Variants in AGTPBP1 observed in about 807,000 individuals in gnomAD.
AGTPBP1 encodes the protein cytosolic carboxypeptidase 1.
AGTPBP1 carries 70 observed loss-of-function variants against 143.9 expected under a neutral mutation model. That is an observed-to-expected ratio of 0.49 (90% confidence interval 0.40 to 0.59). The LOEUF is 0.59. Ranked by LOEUF, AGTPBP1 falls within the 20% of genes least tolerant of loss-of-function variation. The pLI is 0.00. For synonymous variants in AGTPBP1, 463 were observed against 500.2 expected, an observed-to-expected ratio of 0.93 and a Z score of 0.99; for missense variants, 1,229 against 1,464.5, an observed-to-expected ratio of 0.84 and a Z score of 2.62.
chr9:85,681,879 A>T (rs1189093590), intron 3 of AGTPBP1, among the ~76,000 whole-genome samples: 1 of 149,658 alleles, frequency 6.7e-6, no homozygotes. Context: ...CCTCCTGAGT[A>T]GCTGGGATTA....
At chr9:85,694,189 A>G (rs75890898) in intron 2 of AGTPBP1, among the ~76,000 whole-genome samples, 17 of 152,296 alleles carry the variant, frequency 1.1e-4, no homozygotes, top group Non-Finnish European at 1.9e-4. Flanking sequence ...AACGGGCTCT[A>G]TTTGGCTGGT....
chr9:85,566,911 T>A (rs931481078), intron 25 of AGTPBP1, among the ~76,000 whole-genome samples: 1 of 152,180 alleles, frequency 6.6e-6, no homozygotes, highest in Non-Finnish European at 1.5e-5. Context: ...AAAGACTTTA[T>A]AGCATTGCAA....
In AGTPBP1 at chr9:85,648,608, C is replaced by T. The variant is rs571357053; in HGVS notation, c.1088-2190G>A. On this transcript the variant is annotated intron_variant, in intron 11 of 25. Transcript: ENST00000357081. ...CGGGCGGATCACGAGGTCAGGAGAT[C>T]GAGACCATCCTGGCTAACACAGTGA... Among the ~76,000 whole-genome samples, 15 of 152,226 alleles carry T rather than the reference C, an allele frequency of 9.9e-5. No individual in the cohort carries two copies. In the South Asian group the frequency reaches 2.9e-3, roughly 30 times the overall value.
chr9:85,735,080 AT>A (rs1365073750), intron 1 of AGTPBP1, among the ~76,000 whole-genome samples: 1 of 152,172 alleles, frequency 6.6e-6, no homozygotes, highest in Non-Finnish European at 1.5e-5. Context: ...TCTTGAAGAG[AT>A]GTTTACATAC....
intron 11 of AGTPBP1, among the ~76,000 whole-genome samples, chr9:85,648,672 C>T (rs1402439917): frequency 6.6e-6 from 1 of 151,964 alleles, no homozygotes; most frequent in Non-Finnish European, 1.5e-5. Flanking sequence ...ATTAGCTGGG[C>T]GTGGTGGCGG....
intron 10 of AGTPBP1, among the ~76,000 whole-genome samples, chr9:85,656,774 A>G (rs1564112325): frequency 6.6e-6 from 1 of 152,010 alleles, no homozygotes; most frequent in Non-Finnish European, 1.5e-5. Flanking sequence ...TACCTTCTCT[A>G]TTCAAAAAAG....
At chr9:85,589,962 C>T (rs1828853699) in intron 19 of AGTPBP1, among the ~76,000 whole-genome samples, 1 of 152,052 alleles carries the variant, frequency 6.6e-6, no homozygotes, top group Non-Finnish European at 1.5e-5. Flanking sequence ...GAAGAATCAC[C>T]CTAAGTAGAA....
chr9:85,555,859 A>T (rs1393799994), intron 25 of AGTPBP1, among the ~76,000 whole-genome samples: 1 of 152,244 alleles, frequency 6.6e-6, no homozygotes, highest in Non-Finnish European at 1.5e-5. Flanking sequence ...ACAGAAATAG[A>T]GGAAGAAATG....
In AGTPBP1 at chr9:85,550,709, G is replaced by A. The variant is rs192554131; in HGVS notation, c.3504-3423C>T. Among the ~76,000 whole-genome samples, 28 of 152,122 alleles carry A rather than the reference G, an allele frequency of 1.8e-4. No individual in the cohort carries two copies. The East Asian group carries it at 4.3e-3, about 23-fold the overall frequency. ...AAATGTAGCATCTGGAAAACTCACCGTTCTCCCCACCAAGCCCAATCCTCT... is the reference window on the plus strand; with the variant it reads ...AAATGTAGCATCTGGAAAACTCACCATTCTCCCCACCAAGCCCAATCCTCT... On this transcript the variant is annotated intron_variant, in intron 25 of 25. Coordinates refer to ENST00000357081, the MANE Select transcript of AGTPBP1 (RefSeq NM_001330701.2).
chr9:85,799,921 A>G, the AGTPBP1 span, among the ~76,000 whole-genome samples: 12 of 152,222 alleles, frequency 7.9e-5, no homozygotes, highest in Non-Finnish European at 1.3e-4. Context: ...AAGACAGTCA[A>G]CAAGCCACAC....
At chr9:85,672,847 G>T (rs1253448819) in intron 6 of AGTPBP1, among the ~76,000 whole-genome samples, 166 bp from the exon 7 acceptor site, 1 of 147,524 alleles carries the variant, frequency 6.8e-6, no homozygotes, top group African/African-American at 2.5e-5. Context: ...CAATTCTCCT[G>T]CCTCTGCCTC....
At chr9:85,771,755 C>T in the AGTPBP1 span, among the ~76,000 whole-genome samples, 1 of 151,450 alleles carries the variant, frequency 6.6e-6, no homozygotes, top group East Asian at 1.9e-4. Context: ...AGGTTCACGC[C>T]ATTCTCCTGC....
At chr9:85,656,477 G>C (rs1415997192) in intron 10 of AGTPBP1, among the ~76,000 whole-genome samples, 1 of 152,106 alleles carries the variant, frequency 6.6e-6, no homozygotes, top group Non-Finnish European at 1.5e-5. Flanking sequence ...TATGTGTTCA[G>C]ATATCTCAAC....
chr9:85,648,237 G>A (rs1358839449), intron 11 of AGTPBP1, among the ~76,000 whole-genome samples: 1 of 152,200 alleles, frequency 6.6e-6, no homozygotes, highest in Admixed American at 6.5e-5. Flanking sequence ...TAAAGTGCCA[G>A]GCAGAGTATG....
chr9:85,571,927 A>G (rs1827493374), intron 25 of AGTPBP1, among the ~76,000 whole-genome samples: 2 of 151,778 alleles, frequency 1.3e-5, no homozygotes, highest in Non-Finnish European at 2.9e-5. Context: ...CTACATCAAT[A>G]AACAGGAGAA....
At chr9:85,768,312 C>A in the AGTPBP1 span, among the ~76,000 whole-genome samples, 7 of 152,156 alleles carry the variant, frequency 4.6e-5, no homozygotes, top group Non-Finnish European at 1.5e-5. Flanking sequence ...AAAATATAGT[C>A]ACAGTATAAA....
At chr9:85,741,696 C>G in intron 1 of AGTPBP1, 79 bp downstream of exon 1, 1 of 1,263,910 alleles carries the variant, frequency 7.9e-7, no homozygotes, top group Non-Finnish European at 1.0e-6. Flanking sequence ...CCCCGGGCGC[C>G]GTCGCTCGCA....
At chr9:85,742,251 G>A (rs1303375588), upstream of AGTPBP1, among the ~76,000 whole-genome samples, 1 of 152,082 alleles carries the variant, frequency 6.6e-6, no homozygotes, top group Admixed American at 6.5e-5. Flanking sequence ...CCCGGCCACC[G>A]CCCCTCCGTA....
chr9:85,693,896 A>C (rs1836052405), intron 2 of AGTPBP1, among the ~76,000 whole-genome samples: 1 of 152,074 alleles, frequency 6.6e-6, no homozygotes, highest in South Asian at 2.1e-4. Flanking sequence ...GTAAATAAGC[A>C]AGCCGTGCAA....
Sources: gnomAD v4.1 joint callset for allele counts (sites outside exome capture counted in the v4.1 genomes callset) on GRCh38, gnomAD v4.1.1 for gene constraint, MANE v1.5 for transcripts, NCBI Gene and HGNC (gene_info 2026-07-23, HGNC 2026-07-21) for gene names.